Variants in TSPAN14 observed in about 807,000 individuals in gnomAD.
The protein encoded by TSPAN14 is tetraspanin 14, also known as tetraspanin-14.
A neutral mutation model predicts 36.6 loss-of-function variants in TSPAN14; 16 were observed. That is an observed-to-expected ratio of 0.44 (90% CI 0.30 to 0.66). TSPAN14 has a LOEUF of 0.66. Among genes scored for constraint, TSPAN14 ranks in the 30% least tolerant of loss-of-function variants. The probability of loss-of-function intolerance (pLI) is 0.12; values close to 1 mark genes in which losing one functional copy is unlikely to be tolerated. For missense variants in TSPAN14, 231 were observed against 355.1 expected, an observed-to-expected ratio of 0.65 and a Z score of 2.81; for synonymous variants, 139 against 143.8, an observed-to-expected ratio of 0.97 and a Z score of 0.24.
intron 1 of TSPAN14, chr10:80,463,150 G>GCCACTGCC (rs1846067841): frequency 6.6e-6 from 1 of 152,124 alleles, no homozygotes; most frequent in South Asian, 2.1e-4. Flanking sequence ...CCCTGAGGCT[G>GCCACTGCC]CCACTGCCTG....
intron 1 of TSPAN14, among the ~76,000 whole-genome samples, chr10:80,463,575 T>G (rs532098333): frequency 6.6e-6 from 1 of 152,362 alleles, no homozygotes; most frequent in African/African-American, 2.4e-5. Flanking sequence ...TTTAGTCCAT[T>G]CTTTTTAACA....
At chr10:80,501,699 C>T (rs1286612281) in intron 2 of TSPAN14, among the ~76,000 whole-genome samples, 1 of 152,174 alleles carries the variant, frequency 6.6e-6, no homozygotes, top group Non-Finnish European at 1.5e-5. Flanking sequence ...AGGCAAATGC[C>T]CCTGTATAGA....
chr10:80,498,780 A>G (rs1026699159), intron 2 of TSPAN14, among the ~76,000 whole-genome samples: 5 of 152,168 alleles, frequency 3.3e-5, no homozygotes, highest in African/African-American at 2.4e-5. Context: ...TCTTCCTTCA[A>G]TCTTTACAAC....
At chr10:80,502,423 C>T (rs937171046) in intron 2 of TSPAN14, among the ~76,000 whole-genome samples, 4 of 152,082 alleles carry the variant, frequency 2.6e-5, no homozygotes, top group East Asian at 1.9e-4. Context: ...TGAGGAGCCC[C>T]GTGGGATCCA....
chr10:80,501,348 A>C (rs1282523253), intron 2 of TSPAN14, among the ~76,000 whole-genome samples: 1 of 147,344 alleles, frequency 6.8e-6, no homozygotes, highest in Non-Finnish European at 1.5e-5. Flanking sequence ...CTGGTCTTGA[A>C]CGCCTGGGCT....
At chr10:80,496,718 C>G (rs930457755) in intron 2 of TSPAN14, among the ~76,000 whole-genome samples, 1 of 152,006 alleles carries the variant, frequency 6.6e-6, no homozygotes, top group Admixed American at 6.6e-5. Context: ...CTTTACTGAT[C>G]TTTTCTTCCA....
At chr10:80,491,539 C>T (rs1271705681) in intron 2 of TSPAN14, among the ~76,000 whole-genome samples, 1 of 152,200 alleles carries the variant, frequency 6.6e-6, no homozygotes, top group Non-Finnish European at 1.5e-5. Flanking sequence ...AGCACTCTCC[C>T]ACTACTGCTG....
chr10:80,513,926 G>A lies in TSPAN14; in HGVS notation c.577-93G>A, dbSNP rs1277493041. 34 of 1,059,806 alleles carry A rather than the reference G, an allele frequency of 3.2e-5. No individual in the cohort carries two copies. In the Middle Eastern group the frequency reaches 1.4e-3, roughly 43 times the overall value. The allele number at this position is 1,059,806 out of a possible 1,614,324, so 65.7% of individuals were successfully genotyped here. On this transcript the variant is annotated intron_variant, in intron 6 of 8. Transcript: ENST00000429989. The stretch of plus-strand genomic sequence containing the variant: ...GAGCTGTAATGGAATTTGCACAAAT[G>A]TTTGCTAGTGTTTGGTTGTGACTTT...
chr10:80,481,594 G>T (rs899649012), intron 1 of TSPAN14, among the ~76,000 whole-genome samples: 2 of 152,138 alleles, frequency 1.3e-5, no homozygotes, highest in Non-Finnish European at 2.9e-5. Flanking sequence ...GGGATTTATG[G>T]GGAGTAAAGG....
chr10:80,476,501 C>T (rs557714893), intron 1 of TSPAN14, among the ~76,000 whole-genome samples: 110 of 149,952 alleles, frequency 7.3e-4, no homozygotes, highest in Non-Finnish European at 1.3e-3. Context: ...CTGCAAGCTC[C>T]GCCTCCCGGG....
intron 2 of TSPAN14, among the ~76,000 whole-genome samples, chr10:80,501,334 C>G (rs190901953): frequency 6.8e-6 from 1 of 146,242 alleles, no homozygotes; most frequent in Admixed American, 6.9e-5. Context: ...CTATGTTGCC[C>G]AGGCTGGTCT....
At chr10:80,483,849 G>A (rs1847425540) in intron 1 of TSPAN14, among the ~76,000 whole-genome samples, 1 of 139,166 alleles carries the variant, frequency 7.2e-6, no homozygotes, top group South Asian at 2.4e-4. Flanking sequence ...GGCGGAGGTT[G>A]CAGTGAGCCA....
chr10:80,496,815 T>G (rs1034440293), intron 2 of TSPAN14, among the ~76,000 whole-genome samples: 5 of 152,148 alleles, frequency 3.3e-5, no homozygotes, highest in Non-Finnish European at 7.4e-5. Context: ...CATTTAGGTA[T>G]TTTTTATGTC....
intron 1 of TSPAN14, among the ~76,000 whole-genome samples, chr10:80,475,021 G>A (rs149220961): frequency 1.1e-3 from 162 of 152,290 alleles, no homozygotes; most frequent in African/African-American, 3.4e-3. Context: ...GCAGAATCGG[G>A]GGATGCTAAA....
intron 2 of TSPAN14, among the ~76,000 whole-genome samples, chr10:80,489,605 G>A (rs916981769): frequency 2.0e-5 from 3 of 152,234 alleles, no homozygotes; most frequent in Non-Finnish European, 2.9e-5. Flanking sequence ...CCCCTGTTCC[G>A]ATCCTGGGAG....
intron 7 of TSPAN14, 90 bp from the exon 8 acceptor site, chr10:80,516,114 T>C (rs1056818766): frequency 8.2e-5 from 130 of 1,592,468 alleles, no homozygotes; most frequent in Non-Finnish European, 1.1e-4. Flanking sequence ...CCACCCTGCT[T>C]TGCCCTGCTC....
chr10:80,461,915 CT>C (rs111239209), intron 1 of TSPAN14, among the ~76,000 whole-genome samples: 16,373 of 144,160 alleles, frequency 0.11, 1,125 homozygotes, highest in African/African-American at 0.21. Context: ...TCATTTGTGC[CT>C]TTTTTTTTTT....
At position 80,509,535 on chromosome 10, in the gene TSPAN14, TC is replaced by T; in HGVS notation, c.450+65del. The T allele has an allele frequency of 6.4e-7, 1 of 1,551,078 alleles. No homozygotes were observed. The highest frequency in any genetic ancestry group is 8.8e-7 in the Non-Finnish European group (1 of 1,140,700). On this transcript the variant is annotated intron_variant, in intron 5 of 8. Transcript: ENST00000429989. The surrounding 1 kb of genome is among the most constrained non-coding windows in gnomAD (Gnocchi z 4.7). Reference sequence around the variant, plus strand: ...CCTCCCTGTGCTGCCTGGAGCTGAGTCTAGCAGGGGCATCAGGCCTTCTCTG... The same window carrying T: ...CCTCCCTGTGCTGCCTGGAGCTGAGTTAGCAGGGGCATCAGGCCTTCTCTG...
At chr10:80,487,965 G>A (rs1327608502) in intron 1 of TSPAN14, among the ~76,000 whole-genome samples, 1 of 152,198 alleles carries the variant, frequency 6.6e-6, no homozygotes, top group Non-Finnish European at 1.5e-5. Context: ...GAACATTGCA[G>A]ACCAGCAGCC....
Sources: gnomAD v4.1 joint callset for allele counts (sites outside exome capture counted in the v4.1 genomes callset) on GRCh38, gnomAD v4.1.1 for gene constraint, Gnocchi (gnomAD v3.1) non-coding constraint, MANE v1.5 for transcripts, NCBI Gene and HGNC (gene_info 2026-07-23, HGNC 2026-07-21) for gene names.